The following DGKI variants were observed in gnomAD, a reference collection of about 807,000 sequenced individuals.
DGKI encodes the protein DAG kinase iota.
DGKI carries 55 observed loss-of-function variants against 147.5 expected under a neutral mutation model. The observed-to-expected ratio is 0.37, with a 90% CI of 0.30 to 0.47. The LOEUF (loss-of-function observed/expected upper bound fraction) is 0.47. DGKI is among the 20% of genes least tolerant of loss of function. The pLI is 1.00. For synonymous variants in DGKI, 469 were observed against 477.1 expected (o/e 0.98, Z 0.22); for missense variants, 1,007 against 1,323.8 (o/e 0.76, Z 3.71).
rs576481225 is a variant in DGKI at position 137,623,425 on chromosome 7, C to T, written c.876+58G>A. The T allele has an allele frequency of 7.1e-5, 106 of 1,494,032 alleles. No individual in the cohort carries two copies. The South Asian group carries it at 9.5e-4, about 13-fold the overall frequency. The allele number at this position is 1,494,032 out of a possible 1,614,324, so 92.5% of individuals were successfully genotyped here. On this transcript the variant is annotated intron_variant, in intron 7 of 32. Coordinates refer to ENST00000614521, the MANE Select transcript of DGKI (RefSeq NM_001321708.2). The stretch of plus-strand genomic sequence containing the variant: ...TTCCAGGGAGAAACTCAAATAATGA[C>T]ACAAGTGTATTTCGACAAAACATGA...
intron 1 of DGKI, among the ~76,000 whole-genome samples, chr7:137,826,302 T>C (rs765125126): frequency 6.6e-6 from 1 of 152,230 alleles, no homozygotes; most frequent in Non-Finnish European, 1.5e-5. Flanking sequence ...ATGTACATAA[T>C]GCAGAGAATA....
At chr7:137,636,247 T>C (rs1374227305) in intron 6 of DGKI, among the ~76,000 whole-genome samples, 3 of 152,032 alleles carry the variant, frequency 2.0e-5, no homozygotes, top group Non-Finnish European at 4.4e-5. Flanking sequence ...ACCAGGTAGG[T>C]CACCTAGACC....
intron 1 of DGKI, among the ~76,000 whole-genome samples, chr7:137,754,481 C>A (rs1203826748): frequency 6.6e-6 from 1 of 152,214 alleles, no homozygotes; most frequent in African/African-American, 2.4e-5. Context: ...AACCTGTCTG[C>A]AATCATTCAC....
In DGKI at chr7:137,846,450, C is replaced by A. The variant is rs1399588135; in HGVS notation, c.401+12G>T. On this transcript the variant is annotated intron_variant, in intron 1 of 32. Coordinates refer to ENST00000614521, the MANE Select transcript of DGKI (RefSeq NM_001321708.2). This position sits in a 1 kb window ranked among gnomAD's most constrained non-coding sequence, Gnocchi z 4.0. The stretch of plus-strand genomic sequence containing the variant: ...GGCGCACCTGTCTCGGCTGCCGGCT[C>A]CCCGCACCTACCTGTACGAGACCTG... 6.3e-7 allele frequency: 1 copy of A among 1,576,934 alleles called. No homozygotes were observed. The highest frequency in any genetic ancestry group is 1.4e-5 in the African/African-American group (1 of 73,096).
intron 28 of DGKI, among the ~76,000 whole-genome samples, chr7:137,416,759 G>A (rs1252894073): frequency 1.3e-5 from 2 of 151,908 alleles, no homozygotes; most frequent in African/African-American, 4.8e-5. Flanking sequence ...ACCCCATATC[G>A]CTCCCAAGCA....
intron 20 of DGKI, among the ~76,000 whole-genome samples, chr7:137,522,329 C>G (rs184209790): frequency 6.6e-6 from 1 of 152,014 alleles, no homozygotes; most frequent in African/African-American, 2.4e-5. Context: ...CTTTAAGAAC[C>G]ACAGGCAGAT....
chr7:137,544,675 C>G lies in DGKI; in HGVS notation c.2147+7694G>C, dbSNP rs184801069. Among the ~76,000 whole-genome samples, 124 of 152,130 alleles carry G rather than the reference C, an allele frequency of 8.2e-4. 1 individual carries two copies. The highest frequency in any genetic ancestry group is 2.7e-3 in the African/African-American group (112 of 41,516). On this transcript the variant is annotated intron_variant, in intron 20 of 32. Transcript: ENST00000614521. ...GTGCAATTCTATTTAGACATGTATT[C>G]TTTTATGCACTCATTCCACCAAGAA... is the stretch of plus-strand genomic sequence containing the variant.
intron 21 of DGKI, among the ~76,000 whole-genome samples, chr7:137,513,140 T>C (rs886310426): frequency 9.9e-5 from 15 of 152,204 alleles, no homozygotes; most frequent in Admixed American, 5.9e-4. Context: ...GTAAGCTTGC[T>C]TCTTCTTTTC....
At chr7:137,657,278 T>G (rs1033623495) in intron 3 of DGKI, among the ~76,000 whole-genome samples, 2 of 152,190 alleles carry the variant, frequency 1.3e-5, no homozygotes, top group African/African-American at 2.4e-5. Flanking sequence ...TCCATTTCAC[T>G]GATGAGAAAA....
intron 23 of DGKI, among the ~76,000 whole-genome samples, chr7:137,481,484 T>C (rs1038082409): frequency 1.3e-5 from 2 of 152,114 alleles, no homozygotes; most frequent in Non-Finnish European, 2.9e-5. Context: ...AACATATTAG[T>C]TACAGGTTAC....
At chr7:137,545,278 A>C (rs1585216639) in intron 20 of DGKI, among the ~76,000 whole-genome samples, 1 of 152,342 alleles carries the variant, frequency 6.6e-6, no homozygotes, top group African/African-American at 2.4e-5. Flanking sequence ...GGAGAAAACA[A>C]AGGACAAAGC....
intron 6 of DGKI, among the ~76,000 whole-genome samples, chr7:137,633,447 G>A (rs1305172585): frequency 6.6e-6 from 1 of 152,122 alleles, no homozygotes; most frequent in Non-Finnish European, 1.5e-5. Flanking sequence ...CAAAATCAAT[G>A]TCACATTCTT....
chr7:137,391,068 C>G lies in DGKI; in HGVS notation c.*152G>C. 2.9e-6 allele frequency: 2 copies of G among 680,168 alleles called. No homozygotes were observed. The highest frequency in any genetic ancestry group is 5.3e-6 in the Non-Finnish European group (2 of 380,804). 42.1% of individuals were successfully genotyped at this position (680,168 alleles called of 1,614,324 possible). ...CATGTTCTGTTGTACATCTTGGTAG[C>G]CCTTAAAAGCTAGTGGCATGGTCTC... is the stretch of plus-strand genomic sequence containing the variant. On this transcript the variant is annotated 3_prime_UTR_variant, in exon 33 of 33. Coordinates refer to ENST00000614521, the MANE Select transcript of DGKI (RefSeq NM_001321708.2).
intron 29 of DGKI, among the ~76,000 whole-genome samples, chr7:137,410,003 T>C (rs1199844662): frequency 2.6e-5 from 4 of 152,082 alleles, no homozygotes; most frequent in African/African-American, 9.7e-5. Flanking sequence ...ACAAAAGATA[T>C]TGGAGAAGAG....
Position 137,454,485 on chromosome 7 carries a change from G to C in DGKI, c.2735+9004C>G, listed in dbSNP as rs992060788. 9.2e-5 allele frequency among the ~76,000 whole-genome samples: 14 copies of C among 152,170 alleles called. 1 individual carries two copies. The South Asian group carries it at 2.9e-3, about 32-fold the overall frequency. On this transcript the variant is annotated intron_variant, in intron 27 of 32. Transcript: ENST00000614521. ...AATGGGCGACAGTGGACACAGAAAA[G>C]AAATAGATAAAATAAAGAGATGAAG...
At chr7:137,465,877 C>T (rs1814634631) in intron 26 of DGKI, 31 bp downstream of exon 26, 1 of 1,607,852 alleles carries the variant, frequency 6.2e-7, no homozygotes, top group African/African-American at 1.3e-5. Context: ...ACCCTAAGGC[C>T]AGCCTCACAG....
intron 23 of DGKI, among the ~76,000 whole-genome samples, chr7:137,470,076 G>A (rs1458789739): frequency 6.6e-6 from 1 of 152,056 alleles, no homozygotes; most frequent in Non-Finnish European, 1.5e-5. Context: ...CCATACACAG[G>A]GACTGTTCAT....
intron 23 of DGKI, among the ~76,000 whole-genome samples, chr7:137,475,491 T>A (rs1258875871): frequency 6.6e-6 from 1 of 152,252 alleles, no homozygotes; most frequent in African/African-American, 2.4e-5. Context: ...AACTGCCTAC[T>A]TGCTATTTCC....
chr7:137,427,112 AC>A (rs1299167382), intron 28 of DGKI, among the ~76,000 whole-genome samples: 1 of 151,872 alleles, frequency 6.6e-6, no homozygotes, highest in Non-Finnish European at 1.5e-5. Context: ...TTTCAGCACC[AC>A]CCCACACCTA....
Sources: allele counts gnomAD v4.1 joint callset (sites outside exome capture counted in the v4.1 genomes callset), GRCh38; gene constraint gnomAD v4.1.1; non-coding constraint Gnocchi (gnomAD v3.1); transcripts MANE v1.5; gene names NCBI Gene and HGNC (gene_info 2026-07-23, HGNC 2026-07-21).